SND1: variants seen among roughly 807,000 people sequenced by gnomAD.
SND1 encodes staphylococcal nuclease and tudor domain containing 1.
In SND1, 38 loss-of-function variants were observed where a neutral mutation model predicts 121.7. The ratio of observed to expected loss-of-function variants is 0.31; its 90% CI spans 0.24 to 0.41. SND1 has a LOEUF of 0.41. Among genes scored for constraint, SND1 ranks in the 10% least tolerant of loss-of-function variants. SND1 has a pLI of 1.00. For missense variants in SND1, 868 were observed against 1,184.6 expected (o/e 0.73, Z 3.92); for synonymous variants, 401 against 447.4 (o/e 0.90, Z 1.31).
chr7:127,695,609 A>C (rs1241533752), intron 3 of SND1, among the ~76,000 whole-genome samples: 1 of 152,158 alleles, frequency 6.6e-6, no homozygotes, highest in Non-Finnish European at 1.5e-5. Context: ...AGGCAGGAGG[A>C]TCTCTTAAGC....
intron 11 of SND1, among the ~76,000 whole-genome samples, chr7:127,835,766 C>A (rs1227694454): frequency 2.0e-5 from 3 of 152,074 alleles, no homozygotes; most frequent in African/African-American, 4.8e-5. Flanking sequence ...TCACTATTTT[C>A]AAATAGTGAT....
intron 10 of SND1, among the ~76,000 whole-genome samples, chr7:127,806,314 C>T (rs963181061): frequency 3.3e-5 from 5 of 152,134 alleles, no homozygotes; most frequent in African/African-American, 9.7e-5. Flanking sequence ...CATCATCTCT[C>T]GGGCTCCTGT....
At chr7:127,941,889 G>GTTTTTTTTTTTTTTTTTT (rs34389081) in intron 15 of SND1, among the ~76,000 whole-genome samples, 1 of 100,260 alleles carries the variant, frequency 1.0e-5, no homozygotes, top group Non-Finnish European at 2.0e-5. Context: ...TTGATAGGGA[G>GTTTTTTTTTTTTTTTTTT]TTTTTTTTTT....
intron 15 of SND1, among the ~76,000 whole-genome samples, chr7:127,937,892 A>G: frequency 6.6e-6 from 1 of 152,252 alleles, no homozygotes; most frequent in Non-Finnish European, 1.5e-5. Context: ...TTCTGCTATC[A>G]CAGAGGTGCT....
chr7:128,071,411 A>G (rs1793407112), intron 16 of SND1, among the ~76,000 whole-genome samples: 1 of 152,270 alleles, frequency 6.6e-6, no homozygotes, highest in South Asian at 2.1e-4. Flanking sequence ...AAATAACAAA[A>G]TTGAACTGTA....
intron 12 of SND1, among the ~76,000 whole-genome samples, chr7:127,871,556 G>C (rs771652936): frequency 2.0e-5 from 3 of 152,126 alleles, no homozygotes; most frequent in Non-Finnish European, 2.9e-5. Flanking sequence ...TGTAGTGCAT[G>C]ACTGTATGTA....
chr7:127,986,892 T>G (rs1405439282), intron 15 of SND1, among the ~76,000 whole-genome samples: 1 of 152,114 alleles, frequency 6.6e-6, no homozygotes, highest in Non-Finnish European at 1.5e-5. Flanking sequence ...TTTTTGGGAT[T>G]TTTTTTTAAG....
At chr7:127,812,602 G>A (rs960863326) in intron 11 of SND1, among the ~76,000 whole-genome samples, 5 of 152,162 alleles carry the variant, frequency 3.3e-5, no homozygotes, top group South Asian at 4.1e-4. Context: ...ACAGGGTCAC[G>A]GAGAAGTTGA....
intron 17 of SND1, among the ~76,000 whole-genome samples, chr7:128,077,322 A>C (rs1793522606): frequency 6.6e-6 from 1 of 152,236 alleles, no homozygotes; most frequent in Admixed American, 6.5e-5. Context: ...TGCAGGGAAG[A>C]GAGAGAGCCA....
chr7:127,931,480 C>T (rs1800955254), intron 15 of SND1, among the ~76,000 whole-genome samples: 2 of 152,174 alleles, frequency 1.3e-5, no homozygotes, highest in African/African-American at 4.8e-5. Context: ...CATAAAAGTA[C>T]AGGGTGAAGC....
At position 127,953,216 on chromosome 7, in the gene SND1, GTGTGTA is replaced by G. The variant is rs1167984205; in HGVS notation, c.1669+23891_1669+23896del. 1.3e-3 allele frequency among the ~76,000 whole-genome samples: 87 copies of G among 64,712 alleles called. 2 individuals are homozygous for G. The highest frequency in any genetic ancestry group is 9.1e-3 in the Middle Eastern group (1 of 110). 42.5% of individuals were successfully genotyped at this position (64,712 alleles called of 152,430 possible). ...TGTGTGTGTGTGTGTGTGTGTGTGT[GTGTGTA>G]TGTATGAAAAGAAGAAAGCATCTGT... is the stretch of plus-strand genomic sequence containing the variant. On this transcript the variant is annotated intron_variant, in intron 15 of 23. Transcript: ENST00000354725.
At position 128,052,327 on chromosome 7, in the gene SND1, T is replaced by G. The variant is rs1793060440; in HGVS notation, c.1780-22175T>G. Among the ~76,000 whole-genome samples the G allele has an allele frequency of 1.3e-5, 2 of 152,318 alleles. No individual in the cohort carries two copies. The highest frequency in any genetic ancestry group is 3.9e-4 in the East Asian group (2 of 5,186). Reference sequence around the variant, plus strand: ...TTTAGCCTAATGCCCATCTCAGCTGTCTGGACAAGCTCCCATTCTGGCAGC... The same window carrying G: ...TTTAGCCTAATGCCCATCTCAGCTGGCTGGACAAGCTCCCATTCTGGCAGC... On this transcript the variant is annotated intron_variant, in intron 16 of 23. Transcript: ENST00000354725. The surrounding 1 kb of genome is among the most constrained non-coding windows in gnomAD (Gnocchi z 4.6).
rs142091597 is a variant in SND1 at position 128,075,735 on chromosome 7, G to C, written c.1968+1045G>C. 1.3e-4 allele frequency among the ~76,000 whole-genome samples: 20 copies of C among 152,330 alleles called. No individual in the cohort carries two copies. In the East Asian group the frequency reaches 3.9e-3, roughly 29 times the overall value. On this transcript the variant is annotated intron_variant, in intron 17 of 23. Transcript: ENST00000354725. ...AAAGCTAGCACAGATGAAAGGGACG[G>C]TCAGTGCCCTGCAGGAGGCAGCCAC...
At chr7:127,765,559 G>GT (rs1198029138) in intron 10 of SND1, among the ~76,000 whole-genome samples, 1 of 152,206 alleles carries the variant, frequency 6.6e-6, no homozygotes, top group Non-Finnish European at 1.5e-5. Context: ...TCAATCTCTT[G>GT]TAAGTGCTGA....
intron 15 of SND1, among the ~76,000 whole-genome samples, chr7:127,951,144 A>G (rs1220089594): frequency 2.0e-5 from 3 of 152,246 alleles, no homozygotes; most frequent in African/African-American, 2.4e-5. Flanking sequence ...CTTATTCACA[A>G]TAGCCAAGAT....
At chr7:128,071,721 G>A (rs1793415045) in intron 16 of SND1, among the ~76,000 whole-genome samples, 2 of 152,226 alleles carry the variant, frequency 1.3e-5, no homozygotes, top group East Asian at 1.9e-4. Context: ...ACCGCATGGG[G>A]TTTGGCTAGA....
At chr7:128,049,824 G>T (rs954311218) in intron 16 of SND1, among the ~76,000 whole-genome samples, 1 of 152,176 alleles carries the variant, frequency 6.6e-6, no homozygotes, top group African/African-American at 2.4e-5. Context: ...AGGATAGAAT[G>T]ATGAGGTCCA....
At chr7:127,948,111 T>C (rs1170102136) in intron 15 of SND1, among the ~76,000 whole-genome samples, 2 of 152,184 alleles carry the variant, frequency 1.3e-5, no homozygotes, top group Non-Finnish European at 2.9e-5. Flanking sequence ...GGGAAGTTGA[T>C]AATGGAAAGT....
At chr7:127,665,843 G>A (rs949350219) in intron 1 of SND1, among the ~76,000 whole-genome samples, 1 of 152,154 alleles carries the variant, frequency 6.6e-6, no homozygotes, top group Non-Finnish European at 1.5e-5. Context: ...CAGAATCACT[G>A]TGCCAAGTGA....
Sources: gnomAD v4.1 joint callset for allele counts (sites outside exome capture counted in the v4.1 genomes callset) on GRCh38, gnomAD v4.1.1 for gene constraint, Gnocchi (gnomAD v3.1) non-coding constraint, MANE v1.5 for transcripts, NCBI Gene and HGNC (gene_info 2026-07-23, HGNC 2026-07-21) for gene names.